Variants in IQSEC1 observed in about 807,000 individuals in gnomAD.
IQSEC1 encodes the protein IQ motif and SEC7 domain-containing protein 1.
IQSEC1 carries 31 observed loss-of-function variants against 91.0 expected under a neutral mutation model. The ratio of observed to expected loss-of-function variants is 0.34; its 90% CI spans 0.26 to 0.46. The LOEUF (loss-of-function observed/expected upper bound fraction) is 0.46, where lower values mean the gene tolerates loss of function less well. Among genes scored for constraint, IQSEC1 ranks in the 20% least tolerant of loss-of-function variants. The pLI is 1.00. For missense variants in IQSEC1, 1,388 were observed against 1,575.6 expected, an observed-to-expected ratio of 0.88 and a Z score of 2.02; for synonymous variants, 699 against 662.6, an observed-to-expected ratio of 1.05 and a Z score of -0.84.
intron 2 of IQSEC1, among the ~76,000 whole-genome samples, chr3:13,118,558 A>C (rs936863965): frequency 6.6e-6 from 1 of 152,216 alleles, no homozygotes; most frequent in African/African-American, 2.4e-5. Context: ...AGCCAGTCAC[A>C]AAAGAACAAA....
In IQSEC1 at chr3:13,234,024, C is replaced by G. The variant is rs553769052; in HGVS notation, c.272+48687G>C. On this transcript the variant is annotated intron_variant, in intron 1 of 15. Coordinates refer to the IQSEC1 transcript ENST00000648114. ...TGACTGACAAGGCGAAACTGACGCG[C>G]TCTGCATGCCACTTCCGGGATCCCA... Among the ~76,000 whole-genome samples, 9 of 152,348 alleles carry G rather than the reference C, an allele frequency of 5.9e-5. No homozygotes were observed. The South Asian group carries it at 1.9e-3, about 32-fold the overall frequency.
chr3:13,014,833 G>T (rs1421210738), intron 1 of IQSEC1, among the ~76,000 whole-genome samples: 2 of 152,136 alleles, frequency 1.3e-5, no homozygotes, highest in East Asian at 3.9e-4. Flanking sequence ...GATCCTCAAG[G>T]TTCCACTCTG....
Position 13,186,544 on chromosome 3 carries a change from T to C in IQSEC1, c.273-22411A>G, listed in dbSNP as rs538795088. Among the ~76,000 whole-genome samples the C allele has an allele frequency of 3.9e-5, 6 of 152,294 alleles. No homozygotes were observed. In the East Asian group the frequency reaches 9.6e-4, roughly 24 times the overall value. Reference sequence around the variant, plus strand: ...TTACTTTAAAAAAAGAATCCTTAGCTTGGGTTGGTGCCGCCTGCCAGTCTG... The same window carrying C: ...TTACTTTAAAAAAAGAATCCTTAGCCTGGGTTGGTGCCGCCTGCCAGTCTG... On this transcript the variant is annotated intron_variant, in intron 1 of 15. Coordinates refer to the IQSEC1 transcript ENST00000648114.
intron 1 of IQSEC1, among the ~76,000 whole-genome samples, chr3:13,220,075 T>C (rs1377536575): frequency 1.3e-5 from 2 of 152,260 alleles, no homozygotes; most frequent in Admixed American, 1.3e-4. Flanking sequence ...CACAGGCTCC[T>C]GCTGGGACAC....
intron 1 of IQSEC1, among the ~76,000 whole-genome samples, chr3:13,280,626 C>T (rs1346453975): frequency 6.6e-6 from 1 of 152,224 alleles, no homozygotes; most frequent in African/African-American, 2.4e-5. Flanking sequence ...CACAGCCTCA[C>T]TGCTCACCCT....
At chr3:13,234,955 T>G (rs975951339) in intron 1 of IQSEC1, among the ~76,000 whole-genome samples, 1 of 152,170 alleles carries the variant, frequency 6.6e-6, no homozygotes, top group Non-Finnish European at 1.5e-5. Context: ...TGTGGGTGAT[T>G]GCTGAGGCCC....
Position 13,207,254 on chromosome 3 carries a change from C to G in IQSEC1, c.273-43121G>C, listed in dbSNP as rs1427267486. Among the ~76,000 whole-genome samples the G allele has an allele frequency of 6.6e-6, 1 of 152,164 alleles. No homozygotes were observed. The highest frequency in any genetic ancestry group is 2.4e-5 in the African/African-American group (1 of 41,430). On this transcript the variant is annotated intron_variant, in intron 1 of 15. Transcript: ENST00000648114. The surrounding 1 kb of genome is among the most constrained non-coding windows in gnomAD (Gnocchi z 4.8). ...CCTTCCCCACCTCCGCTCAAACCTT[C>G]CCACCAGATTCCTCCTGGCTTGTTT...
chr3:13,098,111 G>A (rs1292519547), intron 2 of IQSEC1, among the ~76,000 whole-genome samples: 1 of 152,250 alleles, frequency 6.6e-6, no homozygotes, highest in African/African-American at 2.4e-5. Context: ...CCTAGGTCAG[G>A]TCTTCAGGTC....
At chr3:13,191,263 G>A (rs567457844) in intron 1 of IQSEC1, among the ~76,000 whole-genome samples, 7 of 152,284 alleles carry the variant, frequency 4.6e-5, no homozygotes, top group African/African-American at 1.2e-4. Flanking sequence ...CTGTCCGCCC[G>A]ATTCCTCACA....
rs1701614522 is a variant in IQSEC1, at chr3:12,984,275, G to A, written c.24-42410C>T. On this transcript the variant is annotated intron_variant, in intron 1 of 13. Coordinates refer to ENST00000613206, the MANE Select transcript of IQSEC1 (RefSeq NM_001134382.3). ...CACAGGAGGACCACGGGGAGATAGG[G>A]AGGAGACCCCATGCCTTTGCTAGCG... is the stretch of plus-strand genomic sequence containing the variant. Among the ~76,000 whole-genome samples the A allele has an allele frequency of 2.6e-5, 4 of 152,204 alleles. No individual in the cohort carries two copies. In the South Asian group the frequency reaches 8.3e-4, roughly 32 times the overall value.
chr3:13,015,537 C>G, intron 1 of IQSEC1: 4 of 985,116 alleles, frequency 4.1e-6, no homozygotes, highest in Non-Finnish European at 3.6e-6. Flanking sequence ...TTTCTCAGGG[C>G]TGCTGAGGTC....
At chr3:13,167,043 G>A (rs1576279596) in intron 1 of IQSEC1, among the ~76,000 whole-genome samples, 1 of 152,296 alleles carries the variant, frequency 6.6e-6, no homozygotes, top group East Asian at 1.9e-4. Context: ...GTGTGCATGT[G>A]TGTACGTGTG....
At chr3:12,915,069 G>C in intron 8 of IQSEC1, 35 bp downstream of exon 8, 4 of 1,586,188 alleles carry the variant, frequency 2.5e-6, no homozygotes, top group Non-Finnish European at 2.6e-6. Flanking sequence ...AGGGCGGCGG[G>C]CTACCCACAA....
chr3:12,958,898 G>C (rs1331190704), intron 1 of IQSEC1, among the ~76,000 whole-genome samples: 1 of 152,246 alleles, frequency 6.6e-6, no homozygotes, highest in Non-Finnish European at 1.5e-5. Context: ...GGGTGGCACA[G>C]CACCGGGTGA....
chr3:13,022,228 A>G, intron 1 of IQSEC1: 1 of 1,228,220 alleles, frequency 8.1e-7, no homozygotes. Context: ...TCATGGTAGG[A>G]AGAAGAAAGA....
chr3:13,045,676 C>G (rs543306260), intron 1 of IQSEC1, among the ~76,000 whole-genome samples: 76 of 152,368 alleles, frequency 5.0e-4, no homozygotes, highest in African/African-American at 1.8e-3. Context: ...GGGCTGGCCT[C>G]GAGCAGGGCA....
At chr3:13,064,364 T>A (rs756962489) in intron 1 of IQSEC1, among the ~76,000 whole-genome samples, 3 of 152,082 alleles carry the variant, frequency 2.0e-5, no homozygotes, top group Non-Finnish European at 4.4e-5. Flanking sequence ...ATGTGATCCA[T>A]CCACACACAT....
intron 3 of IQSEC1, among the ~76,000 whole-genome samples, chr3:12,933,772 AG>A (rs1171619605): frequency 6.6e-6 from 1 of 152,272 alleles, no homozygotes; most frequent in African/African-American, 2.4e-5. Flanking sequence ...ATCTGGAAGG[AG>A]AGACTGCAAC....
intron 1 of IQSEC1, among the ~76,000 whole-genome samples, chr3:13,199,545 C>A (rs914047554): frequency 2.6e-5 from 4 of 152,188 alleles, no homozygotes. Flanking sequence ...TGCCACTCCC[C>A]ACTTGCTGTG....
Sources: gnomAD v4.1 joint callset for allele counts (sites outside exome capture counted in the v4.1 genomes callset) on GRCh38, gnomAD v4.1.1 for gene constraint, Gnocchi (gnomAD v3.1) non-coding constraint, MANE v1.5 for transcripts, NCBI Gene and HGNC (gene_info 2026-07-23, HGNC 2026-07-21) for gene names.